AGBL1: variants seen among roughly 807,000 people sequenced by gnomAD.
AGBL1 encodes cytosolic carboxypeptidase 4.
A neutral mutation model predicts 118.9 loss-of-function variants in AGBL1; 130 were observed. The ratio of observed to expected loss-of-function variants is 1.09; its 90% CI spans 0.95 to 1.26. AGBL1 has a LOEUF of 1.26. AGBL1 is among the 50% of genes most tolerant of loss of function. AGBL1 has a pLI of 0.00. For synonymous variants in AGBL1, 555 were observed against 478.9 expected (o/e 1.16, Z -2.08); for missense variants, 1,584 against 1,298.1 (o/e 1.22, Z -3.38).
At chr15:86,858,346 C>T (rs2079513916) in intron 22 of AGBL1, among the ~76,000 whole-genome samples, 3 of 152,120 alleles carry the variant, frequency 2.0e-5, no homozygotes, top group Admixed American at 2.0e-4. Flanking sequence ...GGGAGTTTAC[C>T]AGCCCAAAGC....
At position 86,286,739 on chromosome 15, in the gene AGBL1, A is replaced by ATATATATATATATATATATATATATATG. The variant is rs1223146019; in HGVS notation, c.2220+6966_2220+6967insTATATATATATATATATGTATATATATA. On this transcript the variant is annotated intron_variant, in intron 16 of 22. Coordinates refer to ENST00000614907, the MANE Select transcript of AGBL1 (RefSeq NM_001386094.1). ...TGTGTGTGTGTGTTTGTGTGTGTAT[A>ATATATATATATATATATATATATATATG]TATATATATAAAACTCCATCAATGC... 3.4e-4 allele frequency among the ~76,000 whole-genome samples: 46 copies of ATATATATATATATATATATATATATATG among 137,086 alleles called. 5 individuals are homozygous for ATATATATATATATATATATATATATATG. The highest frequency in any genetic ancestry group is 8.2e-4 in the African/African-American group (27 of 32,986). The allele number at this position is 137,086 out of a possible 152,430, so 89.9% of individuals were successfully genotyped here. A position where few individuals can be genotyped will look rare whatever the true frequency, so the allele number is the denominator to read the frequency against.
intron 18 of AGBL1, among the ~76,000 whole-genome samples, chr15:86,515,880 C>T (rs1206727204): frequency 6.6e-6 from 1 of 152,198 alleles, no homozygotes; most frequent in Non-Finnish European, 1.5e-5. Flanking sequence ...GTCCTGATGA[C>T]ATGTGCCCGA....
At chr15:86,443,361 G>A (rs951057430) in intron 18 of AGBL1, among the ~76,000 whole-genome samples, 7 of 152,220 alleles carry the variant, frequency 4.6e-5, no homozygotes, top group African/African-American at 9.6e-5. Flanking sequence ...TACTTACGGG[G>A]TATGTGATAT....
intron 24 of AGBL1, among the ~76,000 whole-genome samples, chr15:86,998,397 T>C (rs965626632): frequency 6.6e-6 from 1 of 152,060 alleles, no homozygotes; most frequent in Non-Finnish European, 1.5e-5. Flanking sequence ...AGGACTTCAA[T>C]CCAACCAGCC....
chr15:86,377,939 G>A (rs1472184159), intron 17 of AGBL1, among the ~76,000 whole-genome samples: 1 of 152,080 alleles, frequency 6.6e-6, no homozygotes, highest in Non-Finnish European at 1.5e-5. Context: ...CTTTCCCATG[G>A]TAGAAGAGAG....
At chr15:86,606,723 A>G (rs540551666) in intron 21 of AGBL1, among the ~76,000 whole-genome samples, 1 of 152,176 alleles carries the variant, frequency 6.6e-6, no homozygotes, top group South Asian at 2.1e-4. Context: ...GAGGGTTCTC[A>G]TATATCCCCT....
chr15:86,757,753 T>A (rs1312389917), intron 22 of AGBL1, among the ~76,000 whole-genome samples: 1 of 152,132 alleles, frequency 6.6e-6, no homozygotes, highest in East Asian at 1.9e-4. Context: ...TGGTCCTCTT[T>A]GCTGGCCCAT....
At chr15:86,172,923 C>G (rs1481962372) in intron 5 of AGBL1, among the ~76,000 whole-genome samples, 1 of 152,058 alleles carries the variant, frequency 6.6e-6, no homozygotes, top group African/African-American at 2.4e-5. Context: ...TCAAAACCTG[C>G]ATATTGTTTT....
chr15:86,141,100 T>G (rs1261583809), intron 1 of AGBL1, among the ~76,000 whole-genome samples: 7 of 152,226 alleles, frequency 4.6e-5, no homozygotes, highest in Admixed American at 2.0e-4. Flanking sequence ...GAGACTGGAC[T>G]GAGTGGTACT....
Position 86,268,244 on chromosome 15 carries a change from A to C in AGBL1, c.1838+1168A>C, listed in dbSNP as rs528141872. Among the ~76,000 whole-genome samples the C allele has an allele frequency of 4.6e-5, 7 of 152,070 alleles. No homozygotes were observed. The East Asian group carries it at 1.2e-3, about 25-fold the overall frequency. On this transcript the variant is annotated intron_variant, in intron 13 of 22. Transcript: ENST00000614907. The stretch of plus-strand genomic sequence containing the variant: ...TTTTTTTTTGTACATAAAATATTTC[A>C]AGGAAGCCCAACAAATAAAACAGAG...
chr15:86,269,991 G>A lies in AGBL1; in HGVS notation c.1911G>A (p.Val637=). ...TQHQQWFYFK[V]SGMQAAIPYH... ...ACCAGCAGTGGTTCTATTTCAAAGT[G>A]AGCGGTATGCAGGCGGCCATCCCTT... The change falls in exon 14 of 23, where the codon GTG becomes GTA. Residue 637 remains valine (V), a synonymous_variant. Transcript: ENST00000614907. 1.2e-6 allele frequency: 2 copies of A among 1,613,798 alleles called. No individual in the cohort carries two copies. The highest frequency in any genetic ancestry group is 2.2e-5 in the South Asian group (2 of 90,998).
intron 22 of AGBL1, among the ~76,000 whole-genome samples, chr15:86,720,760 A>G (rs1012932233): frequency 1.3e-5 from 2 of 152,232 alleles, no homozygotes; most frequent in African/African-American, 4.8e-5. Flanking sequence ...CGCTAGCAAG[A>G]CTAATAAAGA....
intron 22 of AGBL1, among the ~76,000 whole-genome samples, chr15:86,874,569 A>T (rs2079778852): frequency 6.6e-6 from 1 of 152,168 alleles, no homozygotes; most frequent in Non-Finnish European, 1.5e-5. Flanking sequence ...CCCCTGCCAC[A>T]GCACCTGGGA....
At chr15:86,690,768 G>A (rs945063309) in intron 22 of AGBL1, among the ~76,000 whole-genome samples, 55 of 152,184 alleles carry the variant, frequency 3.6e-4, no homozygotes, top group African/African-American at 1.2e-3. Flanking sequence ...TTGGTTGGGT[G>A]GTTTTGTGTG....
chr15:86,271,722 G>T lies in AGBL1; in HGVS notation c.2075+16G>T. On this transcript the variant is annotated intron_variant, in intron 15 of 22. Coordinates refer to ENST00000614907, the MANE Select transcript of AGBL1 (RefSeq NM_001386094.1). The stretch of plus-strand genomic sequence containing the variant: ...GTTATTACAAGTAAGTTAGAGCGCT[G>T]TTAGCTTCCTTTTCTCTGTCCTGTA... 6.3e-7 allele frequency: 1 copy of T among 1,594,126 alleles called. No individual in the cohort carries two copies. The highest frequency in any genetic ancestry group is 1.3e-5 in the African/African-American group (1 of 74,478).
intron 24 of AGBL1, among the ~76,000 whole-genome samples, chr15:86,992,012 A>C (rs2141743226): frequency 6.6e-6 from 1 of 152,306 alleles, no homozygotes; most frequent in Admixed American, 6.5e-5. Context: ...TATAAGGAAA[A>C]GAGGTTTAAT....
intron 17 of AGBL1, among the ~76,000 whole-genome samples, chr15:86,317,926 A>G (rs183982689): frequency 1.2e-4 from 18 of 152,344 alleles, no homozygotes; most frequent in Admixed American, 1.3e-4. Flanking sequence ...TGATAGTTGT[A>G]TGGACACCAG....
At chr15:86,377,147 A>G (rs2081052168) in intron 17 of AGBL1, among the ~76,000 whole-genome samples, 2 of 152,320 alleles carry the variant, frequency 1.3e-5, no homozygotes, top group African/African-American at 2.4e-5. Flanking sequence ...GCAGTCTCAG[A>G]TACTTGATTT....
chr15:87,026,024 C>T (rs1425082486), intron 24 of AGBL1, among the ~76,000 whole-genome samples: 1 of 152,012 alleles, frequency 6.6e-6, no homozygotes, highest in Non-Finnish European at 1.5e-5. Context: ...TGATTAAGGA[C>T]TTAAATATAA....
Sources: gnomAD v4.1 joint callset for allele counts (sites outside exome capture counted in the v4.1 genomes callset) on GRCh38, gnomAD v4.1.1 for gene constraint, MANE v1.5 for transcripts, NCBI Gene and HGNC (gene_info 2026-07-23, HGNC 2026-07-21) for gene names.